The following MTF2 variants were observed in gnomAD, a reference collection of about 807,000 sequenced individuals.
MTF2 encodes metal response element binding transcription factor 2.
A neutral mutation model predicts 79.5 loss-of-function variants in MTF2; 11 were observed. The observed-to-expected ratio is 0.14, with a 90% CI of 0.09 to 0.23. The LOEUF (loss-of-function observed/expected upper bound fraction) is 0.23. Among genes scored for constraint, MTF2 ranks in the 10% least tolerant of loss-of-function variants. The pLI, the probability that MTF2 is intolerant of heterozygous loss-of-function variation, is 1.00. For missense variants in MTF2, 486 were observed against 711.2 expected, an observed-to-expected ratio of 0.68 and a Z score of 3.60; for synonymous variants, 208 against 232.8, an observed-to-expected ratio of 0.89 and a Z score of 0.97.
At chr1:93,121,974 G>A (rs373766584) in intron 9 of MTF2, among the ~76,000 whole-genome samples, 1 of 151,930 alleles carries the variant, frequency 6.6e-6, no homozygotes, top group South Asian at 2.1e-4. Flanking sequence ...GCTAATTTTT[G>A]TATTTTTAGT....
Position 93,079,655 on chromosome 1 carries a change from A to T in MTF2, c.5+124A>T, listed in dbSNP as rs994105988. ...CCAAGGTGGGGGTGGGGGCTCCTGT[A>T]TGTGGGTGCCTTTGCATTTATGTGT... On this transcript the variant is annotated intron_variant, in intron 1 of 14. Coordinates refer to ENST00000370298, the MANE Select transcript of MTF2 (RefSeq NM_007358.4). 4 of 1,239,606 alleles carry T rather than the reference A, an allele frequency of 3.2e-6. No homozygotes were observed. In the Admixed American group the frequency reaches 5.7e-5, roughly 18 times the overall value. 76.8% of individuals were successfully genotyped at this position (1,239,606 alleles called of 1,614,324 possible).
At chr1:93,101,784 C>T (rs1467607994) in intron 1 of MTF2, among the ~76,000 whole-genome samples, 1 of 151,522 alleles carries the variant, frequency 6.6e-6, no homozygotes, top group African/African-American at 2.4e-5. Flanking sequence ...TCTTGTGTTG[C>T]TTAGGCTGGT....
intron 9 of MTF2, 27 bp from the exon 10 acceptor site, chr1:93,127,205 G>T (rs150532180): frequency 2.7e-4 from 425 of 1,550,848 alleles, no homozygotes; most frequent in Non-Finnish European, 3.5e-4. Context: ...ATTGTAGTGC[G>T]TTAAATTGTT....
chr1:93,093,798 A>G (rs1655169363), intron 1 of MTF2, among the ~76,000 whole-genome samples: 1 of 152,084 alleles, frequency 6.6e-6, no homozygotes, highest in East Asian at 1.9e-4. Flanking sequence ...ACAGCCCTGA[A>G]CTAGGCTCAA....
chr1:93,120,934 A>G, intron 9 of MTF2: 2 of 1,143,500 alleles, frequency 1.7e-6, no homozygotes, highest in Non-Finnish European at 2.1e-6. Context: ...AGTGAAAGTC[A>G]TTGTAGTTAA....
intron 6 of MTF2, 64 bp from the exon 7 acceptor site, chr1:93,118,277 TTTTA>T: frequency 1.1e-6 from 1 of 930,650 alleles, no homozygotes; most frequent in East Asian, 2.7e-5. Context: ...TTTTTTTTTT[TTTTA>T]AAGAAATGAA....
intron 1 of MTF2, among the ~76,000 whole-genome samples, chr1:93,087,878 T>G (rs1167938266): frequency 1.3e-5 from 2 of 152,224 alleles, no homozygotes; most frequent in Non-Finnish European, 2.9e-5. Context: ...TTTCACTTGT[T>G]AAACAGTAGT....
Position 93,088,920 on chromosome 1 carries a change from T to C in MTF2, c.5+9389T>C, listed in dbSNP as rs1196518060. ...CTTAAGATCTGTATTTTTTATAGTT[T>C]ATAAAAGTTTTTTTGTGATCACAAA... On this transcript the variant is annotated intron_variant, in intron 1 of 14. Transcript: ENST00000370298. Among the ~76,000 whole-genome samples the C allele has an allele frequency of 5.3e-5, 8 of 152,206 alleles. No homozygotes were observed. The East Asian group carries it at 1.5e-3, about 29-fold the overall frequency.
chr1:93,085,476 C>CTT (rs71094225), intron 1 of MTF2, among the ~76,000 whole-genome samples: 3 of 99,580 alleles, frequency 3.0e-5, no homozygotes, highest in African/African-American at 7.0e-5. Flanking sequence ...TGCACCCGGC[C>CTT]TTTTTTTTTT....
At chr1:93,083,980 C>T (rs543034112) in intron 1 of MTF2, among the ~76,000 whole-genome samples, 2 of 152,242 alleles carry the variant, frequency 1.3e-5, no homozygotes, top group African/African-American at 4.8e-5. Context: ...CTTTTCTTCC[C>T]CCATCCTGTG....
intron 3 of MTF2, among the ~76,000 whole-genome samples, chr1:93,110,903 G>A (rs552336637): frequency 2.4e-4 from 36 of 152,206 alleles, no homozygotes; most frequent in African/African-American, 7.7e-4. Context: ...TCTCAGTAAC[G>A]GTTTGGGATT....
At chr1:93,085,193 CTTT>C (rs1306405963) in intron 1 of MTF2, among the ~76,000 whole-genome samples, 2 of 143,964 alleles carry the variant, frequency 1.4e-5, no homozygotes, top group Non-Finnish European at 1.5e-5. Context: ...TTCTTTCTTT[CTTT>C]TTTTTTTTTT....
intron 14 of MTF2, 30 bp downstream of exon 14, chr1:93,134,225 C>T (rs753019740): frequency 2.3e-5 from 33 of 1,456,912 alleles, no homozygotes; most frequent in Non-Finnish European, 3.0e-5. Flanking sequence ...ATTTTTTTTA[C>T]TTTTTTTACT....
chr1:93,104,766 C>G lies in MTF2; in HGVS notation c.6-5464C>G, dbSNP rs368925190. 4.0e-5 allele frequency among the ~76,000 whole-genome samples: 6 copies of G among 151,800 alleles called. No homozygotes were observed. The South Asian group carries it at 1.2e-3, about 32-fold the overall frequency. On this transcript the variant is annotated intron_variant, in intron 1 of 14. Coordinates refer to ENST00000370298, the MANE Select transcript of MTF2 (RefSeq NM_007358.4). Reference sequence around the variant, plus strand: ...AAAAAATTAACTCCTTAAATATAGGCGTTTCTTGACTTGAACTATATAAAT... The same window carrying G: ...AAAAAATTAACTCCTTAAATATAGGGGTTTCTTGACTTGAACTATATAAAT...
chr1:93,086,027 A>T (rs763987462), intron 1 of MTF2, among the ~76,000 whole-genome samples: 2 of 152,218 alleles, frequency 1.3e-5, no homozygotes, highest in Non-Finnish European at 2.9e-5. Flanking sequence ...TTTTATACCA[A>T]CATCACTGCA....
intron 1 of MTF2, among the ~76,000 whole-genome samples, chr1:93,101,568 G>GTTTTTTGTTTT (rs1655536683): frequency 3.9e-5 from 1 of 25,398 alleles, no homozygotes; most frequent in Non-Finnish European, 6.6e-5. Context: ...GCTCAGGCTG[G>GTTTTTTGTTTT]TTTTTTTTTT....
At position 93,085,019 on chromosome 1, in the gene MTF2, C is replaced by T. The variant is rs530098482; in HGVS notation, c.5+5488C>T. Among the ~76,000 whole-genome samples, 4 of 152,260 alleles carry T rather than the reference C, an allele frequency of 2.6e-5. No individual in the cohort carries two copies. The East Asian group carries it at 7.7e-4, about 29-fold the overall frequency. On this transcript the variant is annotated intron_variant, in intron 1 of 14. Transcript: ENST00000370298. ...GTACTTGAGCCCCTCTGTTGATTCTCAGTTCTGAGGATTTTTTGATAGTAG... is the reference window on the plus strand; with the variant it reads ...GTACTTGAGCCCCTCTGTTGATTCTTAGTTCTGAGGATTTTTTGATAGTAG...
chr1:93,120,883 TAGA>T (rs762750260), intron 9 of MTF2: 7 of 1,253,370 alleles, frequency 5.6e-6, no homozygotes, highest in South Asian at 2.1e-5. Context: ...TGGAAATTTG[TAGA>T]AGGAGGAGGT....
intron 11 of MTF2, among the ~76,000 whole-genome samples, chr1:93,133,139 C>G (rs1647213679): frequency 6.6e-6 from 1 of 151,988 alleles, no homozygotes; most frequent in African/African-American, 2.4e-5. Flanking sequence ...TTTCTTACTC[C>G]TTTCTCCTTT....
Sources: allele counts gnomAD v4.1 joint callset (sites outside exome capture counted in the v4.1 genomes callset), GRCh38; gene constraint gnomAD v4.1.1; transcripts MANE v1.5; gene names NCBI Gene and HGNC (gene_info 2026-07-23, HGNC 2026-07-21).